Variants in RBM23 observed in about 807,000 individuals in gnomAD.
RBM23 encodes the protein RNA binding motif protein 23.
In RBM23, 53 loss-of-function variants were observed where a neutral mutation model predicts 56.2. That is an observed-to-expected ratio of 0.94 (90% CI 0.76 to 1.19). The LOEUF (loss-of-function observed/expected upper bound fraction) is 1.19. RBM23 is among the 50% of genes most tolerant of loss of function. The pLI is 0.00. For synonymous variants in RBM23, 197 were observed against 198.5 expected, an observed-to-expected ratio of 0.99 and a Z score of 0.06; for missense variants, 642 against 590.3, an observed-to-expected ratio of 1.09 and a Z score of -0.91.
At chr14:22,906,992 G>A (rs569237731) in intron 4 of RBM23, among the ~76,000 whole-genome samples, 95 of 152,286 alleles carry the variant, frequency 6.2e-4, no homozygotes, top group African/African-American at 2.1e-3. Flanking sequence ...TGGCCAACAT[G>A]GTGAAACCCC....
chr14:22,908,730 T>G, intron 3 of RBM23: 1 of 179,854 alleles, frequency 5.6e-6, no homozygotes, highest in Non-Finnish European at 1.2e-5. Context: ...AAAGAGAAGG[T>G]TTCGTTATTG....
rs1555336814 is a variant in RBM23 at position 22,902,756 on chromosome 14, C to CCTTTTTTTTTTTTTTTTTTTTTTTT, written c.931-375_931-374insAAAAAAAAAAAAAAAAAAAAAAAAG. 2.8e-5 allele frequency: 12 copies of CCTTTTTTTTTTTTTTTTTTTTTTTT among 432,480 alleles called. 6 individuals are homozygous for CCTTTTTTTTTTTTTTTTTTTTTTTT. The highest frequency in any genetic ancestry group is 2.6e-4 in the South Asian group (2 of 7,550). The allele number at this position is 432,480 out of a possible 1,614,324, so 26.8% of individuals were successfully genotyped here. ...GTTCTCTATCCTAGTAAGTTTTAGT[C>CCTTTTTTTTTTTTTTTTTTTTTTTT]TTTTTTTTTTTTTTTTTTTTTTTTT... On this transcript the variant is annotated intron_variant, in intron 10 of 13. Transcript: ENST00000359890.
At chr14:22,908,290 G>A in intron 4 of RBM23, 43 bp downstream of exon 4, 1 of 1,545,176 alleles carries the variant, frequency 6.5e-7, no homozygotes, top group Middle Eastern at 1.7e-4. Flanking sequence ...AAAGTGCTAG[G>A]ATTAAAGATA....
chr14:22,915,496 C>CTTTT (rs71115587), intron 1 of RBM23, among the ~76,000 whole-genome samples: 1 of 124,004 alleles, frequency 8.1e-6, no homozygotes, highest in African/African-American at 3.0e-5. Flanking sequence ...CCATGCCTGG[C>CTTTT]TTTTTTTTTT....
intron 5 of RBM23, 195 bp downstream of exon 5, chr14:22,906,000 T>A: frequency 1.5e-6 from 1 of 661,680 alleles, no homozygotes; most frequent in Non-Finnish European, 2.5e-6. Context: ...TCTTCTGGCC[T>A]CAGTCTCCCA....
intron 4 of RBM23, 92 bp downstream of exon 4, chr14:22,908,241 G>C (rs1026567389): frequency 7.8e-6 from 11 of 1,410,168 alleles, no homozygotes; most frequent in Non-Finnish European, 1.1e-5. Flanking sequence ...GGCTGGTTTT[G>C]AACTCCTGGC....
At chr14:22,917,095 T>A (rs578029639) in intron 1 of RBM23, 1 of 152,254 alleles carries the variant, frequency 6.6e-6, no homozygotes, top group South Asian at 2.1e-4. Flanking sequence ...CTCGAACTCC[T>A]GACCTCAGGT....
At chr14:22,903,027 C>A (rs189742553) in intron 10 of RBM23, 1 of 961,382 alleles carries the variant, frequency 1.0e-6, no homozygotes, top group African/African-American at 1.8e-5. Context: ...GGCGATTCAC[C>A]CACCTTGGCC....
chr14:22,907,577 C>A (rs1363944706), intron 4 of RBM23, among the ~76,000 whole-genome samples: 2 of 152,106 alleles, frequency 1.3e-5, no homozygotes, highest in Non-Finnish European at 2.9e-5. Context: ...CAATATGTAT[C>A]AATTAAAAAT....
chr14:22,912,027 T>TGA (rs1489377226), intron 1 of RBM23: 1 of 152,214 alleles, frequency 6.6e-6, no homozygotes, highest in Non-Finnish European at 1.5e-5. Context: ...TCCTGTTCTA[T>TGA]GAAGAGAAAA....
chr14:22,905,053 T>G, intron 8 of RBM23, 41 bp from the exon 9 acceptor site: 1 of 1,614,004 alleles, frequency 6.2e-7, no homozygotes, highest in Non-Finnish European at 8.5e-7. Context: ...CCACATTCCC[T>G]CTCCCCTTAA....
At chr14:22,906,766 C>T (rs2041639991) in intron 4 of RBM23, among the ~76,000 whole-genome samples, 1 of 152,162 alleles carries the variant, frequency 6.6e-6, no homozygotes, top group African/African-American at 2.4e-5. Context: ...GGGCTGGGCG[C>T]GGTGGCTCAC....
intron 10 of RBM23, chr14:22,902,858 T>TC: frequency 4.6e-6 from 4 of 874,332 alleles, no homozygotes; most frequent in Non-Finnish European, 5.4e-6. Flanking sequence ...CACTACAACC[T>TC]CCATCTCCTG....
At position 22,902,010 on chromosome 14, in the gene RBM23, AG is replaced by A. The variant is rs35565951; in HGVS notation, c.1215del (p.Leu406TrpfsTer4). On this transcript the variant is annotated frameshift_variant, in exon 12 of 14. Transcript: ENST00000359890. LOFTEE classifies it high-confidence loss of function. ...AAALQLNGAV[P>X]LGALNPAALT... ...AGAGCTGCTGGATTCAGGGCCCCCA[AG>A]GGAACTGCTCCATTCAGTTGCAAGG... 1 of 1,612,358 alleles carries A rather than the reference AG, an allele frequency of 6.2e-7. No individual in the cohort carries two copies. The highest frequency in any genetic ancestry group is 1.1e-5 in the South Asian group (1 of 90,986).
At chr14:22,902,925 C>T (rs1219472922) in intron 10 of RBM23, 14 of 633,704 alleles carry the variant, frequency 2.2e-5, no homozygotes, top group Non-Finnish European at 2.7e-5. Context: ...CAGGCACCCA[C>T]CACCATGCCC....
chr14:22,905,760 G>A, intron 5 of RBM23, 101 bp from the exon 6 acceptor site: 2 of 934,308 alleles, frequency 2.1e-6, no homozygotes, highest in Admixed American at 2.3e-5. Context: ...TCATCTCATT[G>A]TTTTTTTAAG....
chr14:22,908,918 G>T (rs1201409823), intron 3 of RBM23, among the ~76,000 whole-genome samples: 1 of 151,602 alleles, frequency 6.6e-6, no homozygotes, highest in Non-Finnish European at 1.5e-5. Flanking sequence ...GCAAAACCTG[G>T]TGTTTCCAAA....
chr14:22,910,331 TG>T (rs1291649651), intron 2 of RBM23, among the ~76,000 whole-genome samples: 3 of 146,560 alleles, frequency 2.0e-5, no homozygotes, highest in Admixed American at 6.9e-5. Flanking sequence ...TGGTGGCACA[TG>T]CCTGTAATCC....
intron 5 of RBM23, 41 bp downstream of exon 5, chr14:22,906,154 G>C: frequency 6.2e-7 from 1 of 1,606,846 alleles, no homozygotes; most frequent in Non-Finnish European, 8.5e-7. Flanking sequence ...GTTTTATCCA[G>C]ATTATTATAC....
Sources: gnomAD v4.1 joint callset for allele counts (sites outside exome capture counted in the v4.1 genomes callset) on GRCh38, gnomAD v4.1.1 for gene constraint, MANE v1.5 for transcripts, NCBI Gene and HGNC (gene_info 2026-07-23, HGNC 2026-07-21) for gene names.